Variants in TGFA observed in about 807,000 individuals in gnomAD.
The protein encoded by TGFA is protransforming growth factor alpha.
TGFA carries 12 observed loss-of-function variants against 21.7 expected under a neutral mutation model. The observed-to-expected ratio is 0.55, with a 90% CI of 0.35 to 0.90. The LOEUF is 0.90. Ranked by LOEUF, TGFA falls within the 40% of genes least tolerant of loss-of-function variation. TGFA has a pLI of 0.01. For missense variants in TGFA, 178 were observed against 210.8 expected (o/e 0.84, Z 0.96); for synonymous variants, 79 against 88.1 (o/e 0.90, Z 0.58).
At chr2:70,528,494 G>C (rs1199128888) in intron 1 of TGFA, among the ~76,000 whole-genome samples, 2 of 151,334 alleles carry the variant, frequency 1.3e-5, no homozygotes, top group Non-Finnish European at 2.9e-5. Flanking sequence ...TTGGGGGAGT[G>C]GGGAGGGAAG....
At chr2:70,478,020 G>A (rs1363677208) in intron 2 of TGFA, among the ~76,000 whole-genome samples, 1 of 152,046 alleles carries the variant, frequency 6.6e-6, no homozygotes, top group African/African-American at 2.4e-5. Context: ...ACATCAACAT[G>A]CCCTGTGCTT....
intron 2 of TGFA, among the ~76,000 whole-genome samples, chr2:70,507,649 C>T (rs992008282): frequency 7.2e-5 from 11 of 152,202 alleles, no homozygotes; most frequent in African/African-American, 2.7e-4. Context: ...AGGGCATATA[C>T]AATTTTTAAG....
intron 1 of TGFA, among the ~76,000 whole-genome samples, chr2:70,532,761 C>T (rs1418769153): frequency 6.6e-6 from 1 of 152,202 alleles, no homozygotes; most frequent in Non-Finnish European, 1.5e-5. Flanking sequence ...CTGCTTTAGG[C>T]AGTTCCTCCC....
Position 70,514,909 on chromosome 2 carries a change from A to G in TGFA, c.44T>C (p.Ile15Thr). 9.9e-6 allele frequency: 16 copies of G among 1,613,738 alleles called. No individual in the cohort carries two copies. Among genetic ancestry groups the G allele is most frequent in the Non-Finnish European group, 1.3e-5 (15 of 1,179,786 alleles). Reference protein sequence around the residue: ...AGQLALFALGIVLAACQALEN... With the variant: ...AGQLALFALGTVLAACQALEN... The stretch of plus-strand genomic sequence containing the variant: ...CAAGGCCTGGCACGCAGCCAACACA[A>G]TACCTGTTGGGTGGAGGAGAAGAGG... The change falls in exon 2 of 6, where the codon ATT (isoleucine) becomes ACT (threonine). Residue 15 changes from isoleucine (I) to threonine (T), a missense_variant. By Grantham distance (89) the Ile-to-Thr change is moderately conservative. Transcript: ENST00000295400.
intron 5 of TGFA, chr2:70,451,628 C>G: frequency 4.8e-6 from 3 of 623,858 alleles, no homozygotes; most frequent in Non-Finnish European, 8.5e-6. Context: ...CCAAATGACT[C>G]TGTTAGGTTC....
chr2:70,476,457 G>A (rs140467373), intron 2 of TGFA, among the ~76,000 whole-genome samples: 4 of 152,278 alleles, frequency 2.6e-5, no homozygotes, highest in Non-Finnish European at 4.4e-5. Flanking sequence ...AGAGCCCAGG[G>A]CTACCTGCCT....
chr2:70,507,138 C>T (rs1671950380), intron 2 of TGFA, among the ~76,000 whole-genome samples: 2 of 152,234 alleles, frequency 1.3e-5, no homozygotes, highest in Non-Finnish European at 2.9e-5. Context: ...ACTGTTTCCC[C>T]ATGCTCTAGA....
intron 2 of TGFA, among the ~76,000 whole-genome samples, chr2:70,511,923 AC>A (rs1553500982): frequency 1.3e-5 from 2 of 149,752 alleles, no homozygotes; most frequent in Non-Finnish European, 2.9e-5. Flanking sequence ...ACACACACAC[AC>A]ACACACTTGC....
At chr2:70,505,078 A>C (rs1553499949) in intron 2 of TGFA, among the ~76,000 whole-genome samples, 2 of 152,240 alleles carry the variant, frequency 1.3e-5, no homozygotes, top group African/African-American at 4.8e-5. Flanking sequence ...TATAAGTGTT[A>C]GTTCATATTA....
At chr2:70,479,442 C>T (rs1176284258) in intron 2 of TGFA, among the ~76,000 whole-genome samples, 4 of 152,136 alleles carry the variant, frequency 2.6e-5, no homozygotes, top group African/African-American at 4.8e-5. Context: ...CTTTTATTTT[C>T]ACTTCAGTGC....
chr2:70,485,730 T>C (rs899108465), intron 2 of TGFA, among the ~76,000 whole-genome samples: 10 of 152,162 alleles, frequency 6.6e-5, no homozygotes, highest in Non-Finnish European at 1.5e-5. Flanking sequence ...AACATGTACT[T>C]ACTTACTTCC....
intron 1 of TGFA, among the ~76,000 whole-genome samples, chr2:70,532,041 A>C (rs1553503764): frequency 6.6e-6 from 1 of 152,200 alleles, no homozygotes; most frequent in Admixed American, 6.5e-5. Context: ...CCCCCAGTAT[A>C]AGGGAGGCAG....
intron 2 of TGFA, among the ~76,000 whole-genome samples, 153 bp downstream of exon 2, chr2:70,514,706 C>T (rs1438432552): frequency 6.6e-6 from 1 of 152,174 alleles, no homozygotes; most frequent in Non-Finnish European, 1.5e-5. Flanking sequence ...CAGTGAGCGC[C>T]TCCTCGCCCC....
At chr2:70,485,392 C>T (rs562079465) in intron 2 of TGFA, among the ~76,000 whole-genome samples, 106 of 152,274 alleles carry the variant, frequency 7.0e-4, no homozygotes, top group African/African-American at 2.4e-3. Context: ...TGCCCGCCAC[C>T]GTGCCTGGCT....
At chr2:70,476,534 GA>G (rs1210479695) in intron 2 of TGFA, among the ~76,000 whole-genome samples, 1 of 152,174 alleles carries the variant, frequency 6.6e-6, no homozygotes, top group Non-Finnish European at 1.5e-5. Flanking sequence ...TGGTTGGCAG[GA>G]AACTCTCAAT....
chr2:70,481,915 AGACCCT>A (rs1224075020), intron 2 of TGFA, among the ~76,000 whole-genome samples: 1 of 152,202 alleles, frequency 6.6e-6, no homozygotes, highest in East Asian at 1.9e-4. Context: ...CCTCAATGAG[AGACCCT>A]GACCCAGAAC....
At chr2:70,459,960 A>G (rs1670362371) in intron 3 of TGFA, among the ~76,000 whole-genome samples, 1 of 152,198 alleles carries the variant, frequency 6.6e-6, no homozygotes, top group South Asian at 2.1e-4. Flanking sequence ...CTCCAAGAAC[A>G]GTGCGTCTTA....
chr2:70,495,316 A>C (rs1671545244), intron 2 of TGFA, among the ~76,000 whole-genome samples: 2 of 152,118 alleles, frequency 1.3e-5, no homozygotes, highest in African/African-American at 4.8e-5. Context: ...TGTTTTAATT[A>C]TTTCAGTGTT....
chr2:70,470,369 T>C (rs1670703141), intron 2 of TGFA, among the ~76,000 whole-genome samples: 1 of 152,206 alleles, frequency 6.6e-6, no homozygotes. Context: ...CTATGCCTCC[T>C]GGCAGTCTTA....
Sources: gnomAD v4.1 joint callset for allele counts (sites outside exome capture counted in the v4.1 genomes callset) on GRCh38, gnomAD v4.1.1 for gene constraint, MANE v1.5 for transcripts, NCBI Gene and HGNC (gene_info 2026-07-23, HGNC 2026-07-21) for gene names.